Variants in COL25A1 observed in about 807,000 individuals in gnomAD.
COL25A1 encodes the protein collagen alpha-1(XXV) chain.
Under a neutral mutation model 128.4 loss-of-function variants are expected in COL25A1, and 103 were observed. The observed-to-expected ratio is 0.80, with a 90% CI of 0.68 to 0.94. COL25A1 has a LOEUF of 0.94. Among genes scored for constraint, COL25A1 ranks in the 40% least tolerant of loss-of-function variants. COL25A1 has a pLI of 0.00. For missense variants in COL25A1, 745 were observed against 840.0 expected, an observed-to-expected ratio of 0.89 and a Z score of 1.40; for synonymous variants, 279 against 277.2, an observed-to-expected ratio of 1.01 and a Z score of -0.06.
chr4:109,250,166 C>T (rs1213716917), intron 3 of COL25A1, among the ~76,000 whole-genome samples: 1 of 152,046 alleles, frequency 6.6e-6, no homozygotes, highest in Admixed American at 6.6e-5. Context: ...GGTCTGTTCA[C>T]TTTTCTAAAA....
chr4:108,889,759 T>A, intron 16 of COL25A1, 26 bp from the exon 17 acceptor site: 2 of 1,608,522 alleles, frequency 1.2e-6, no homozygotes, highest in South Asian at 2.2e-5. Context: ...GGAGAGATTA[T>A]CTCACAAGTT....
At chr4:109,082,320 A>C (rs1202590930) in intron 3 of COL25A1, among the ~76,000 whole-genome samples, 1 of 152,210 alleles carries the variant, frequency 6.6e-6, no homozygotes, top group Non-Finnish European at 1.5e-5. Context: ...TTAGGTATAG[A>C]CTAAAGTGGA....
chr4:108,913,911 C>T (rs552445942), intron 13 of COL25A1, among the ~76,000 whole-genome samples: 4 of 152,142 alleles, frequency 2.6e-5, no homozygotes, highest in East Asian at 3.9e-4. Flanking sequence ...TGTGAGTGTG[C>T]GTTTGCGTGC....
At chr4:108,827,078 G>A in intron 33 of COL25A1, 57 bp downstream of exon 33, 1 of 1,476,924 alleles carries the variant, frequency 6.8e-7, no homozygotes, top group African/African-American at 1.4e-5. Flanking sequence ...AACCGTGTCA[G>A]TGACTGGTCA....
chr4:109,013,121 T>C (rs1338588739), intron 5 of COL25A1, among the ~76,000 whole-genome samples: 4 of 152,186 alleles, frequency 2.6e-5, no homozygotes, highest in African/African-American at 7.2e-5. Context: ...CAGCACTCTG[T>C]GTCTAGCTCA....
At chr4:109,099,922 T>C (rs561720763) in intron 3 of COL25A1, among the ~76,000 whole-genome samples, 4 of 152,098 alleles carry the variant, frequency 2.6e-5, no homozygotes, top group Admixed American at 2.6e-4. Context: ...AGAGATATGA[T>C]TTTTTTCACC....
intron 16 of COL25A1, among the ~76,000 whole-genome samples, chr4:108,896,167 C>T (rs1276837226): frequency 4.0e-5 from 6 of 151,612 alleles, no homozygotes; most frequent in Non-Finnish European, 5.9e-5. Context: ...CCAGGATGGT[C>T]TCGATCTGCT....
At chr4:108,885,489 G>C (rs994955608) in intron 18 of COL25A1, among the ~76,000 whole-genome samples, 1 of 152,186 alleles carries the variant, frequency 6.6e-6, no homozygotes, top group Non-Finnish European at 1.5e-5. Flanking sequence ...AGACTAAAAT[G>C]AGACTAAGCC....
intron 5 of COL25A1, among the ~76,000 whole-genome samples, chr4:109,016,581 G>A (rs1757235860): frequency 6.6e-6 from 1 of 152,236 alleles, no homozygotes; most frequent in Non-Finnish European, 1.5e-5. Context: ...TCCTTCTGAA[G>A]CCCATAAAAA....
chr4:109,286,424 C>T (rs1578641463), intron 3 of COL25A1, among the ~76,000 whole-genome samples: 1 of 152,170 alleles, frequency 6.6e-6, no homozygotes, highest in Non-Finnish European at 1.5e-5. Flanking sequence ...CCAGCAGGCA[C>T]TATAATGGAT....
At chr4:109,080,911 G>A (rs1763778943) in intron 3 of COL25A1, among the ~76,000 whole-genome samples, 1 of 152,100 alleles carries the variant, frequency 6.6e-6, no homozygotes, top group Non-Finnish European at 1.5e-5. Flanking sequence ...GCCAAGCATT[G>A]TGCTAGATGC....
intron 3 of COL25A1, among the ~76,000 whole-genome samples, chr4:109,122,580 A>G (rs1768202655): frequency 6.6e-6 from 1 of 152,050 alleles, no homozygotes; most frequent in African/African-American, 2.4e-5. Context: ...TTAGGAAAGG[A>G]AGACATTACT....
intron 3 of COL25A1, among the ~76,000 whole-genome samples, chr4:109,275,201 T>C (rs894708386): frequency 6.6e-6 from 1 of 152,130 alleles, no homozygotes; most frequent in African/African-American, 2.4e-5. Context: ...AAGGCGTGCA[T>C]GTAGCATGGC....
chr4:109,097,540 C>A (rs1765504827), intron 3 of COL25A1, among the ~76,000 whole-genome samples: 1 of 151,360 alleles, frequency 6.6e-6, no homozygotes, highest in Admixed American at 6.6e-5. Context: ...TTGAGCCCAG[C>A]AGGCAAAGGT....
chr4:109,226,193 T>C (rs1447416960), intron 3 of COL25A1, among the ~76,000 whole-genome samples: 2 of 151,886 alleles, frequency 1.3e-5, no homozygotes, highest in East Asian at 1.9e-4. Flanking sequence ...CACACAGACA[T>C]GGAGTGTGGA....
intron 3 of COL25A1, among the ~76,000 whole-genome samples, chr4:109,094,008 C>T (rs1041795574): frequency 6.6e-6 from 1 of 151,794 alleles, no homozygotes; most frequent in Non-Finnish European, 1.5e-5. Context: ...TATTATATGA[C>T]TAGTCAAATA....
In COL25A1 at chr4:108,860,914, G is replaced by C. The variant is rs1261903610; in HGVS notation, c.1242+13C>G. 4 of 1,612,760 alleles carry C rather than the reference G, an allele frequency of 2.5e-6. No individual in the cohort carries two copies. The highest frequency in any genetic ancestry group is 3.4e-6 in the Non-Finnish European group (4 of 1,178,844). ...AGGGAGCAAAAGTTTAGATGGATGA[G>C]AGGAACACTCACCCTTGGTCCCTGA... On this transcript the variant is annotated intron_variant, in intron 23 of 37. Coordinates refer to ENST00000399132, the MANE Select transcript of COL25A1 (RefSeq NM_198721.4).
intron 5 of COL25A1, among the ~76,000 whole-genome samples, chr4:109,029,801 T>C (rs1388963418): frequency 9.9e-5 from 15 of 152,158 alleles, no homozygotes; most frequent in Non-Finnish European, 2.1e-4. Flanking sequence ...TACAGAGTAC[T>C]CATACAAATT....
chr4:109,224,125 AAC>A (rs1420556931), intron 3 of COL25A1, among the ~76,000 whole-genome samples: 3 of 152,198 alleles, frequency 2.0e-5, no homozygotes, highest in Non-Finnish European at 4.4e-5. Flanking sequence ...GATTTTAAGA[AAC>A]ACAGGTTTTT....
Sources: gnomAD v4.1 joint callset for allele counts (sites outside exome capture counted in the v4.1 genomes callset) on GRCh38, gnomAD v4.1.1 for gene constraint, MANE v1.5 for transcripts, NCBI Gene and HGNC (gene_info 2026-07-23, HGNC 2026-07-21) for gene names.